DGKD: variants seen among roughly 807,000 people sequenced by gnomAD.
The protein encoded by DGKD is DAG kinase delta.
DGKD carries 68 observed loss-of-function variants against 154.4 expected under a neutral mutation model. That is an observed-to-expected ratio of 0.44 (90% CI 0.36 to 0.54). The LOEUF (loss-of-function observed/expected upper bound fraction) is 0.54, where lower values mean the gene tolerates loss of function less well. Ranked by LOEUF, DGKD falls within the 20% of genes least tolerant of loss-of-function variation. DGKD has a pLI of 0.00. For synonymous variants in DGKD, 693 were observed against 638.0 expected (o/e 1.09, Z -1.30); for missense variants, 1,343 against 1,593.6 (o/e 0.84, Z 2.68).
intron 3 of DGKD, among the ~76,000 whole-genome samples, chr2:233,408,362 C>T (rs1033509592): frequency 6.6e-6 from 1 of 152,238 alleles, no homozygotes; most frequent in Non-Finnish European, 1.5e-5. Context: ...TGGCAAATGT[C>T]TCTGCATAAA....
intron 26 of DGKD, 68 bp downstream of exon 26, chr2:233,462,803 T>C: frequency 7.2e-7 from 1 of 1,382,064 alleles, no homozygotes; most frequent in Non-Finnish European, 1.0e-6. Context: ...GCCAGGTTGC[T>C]GGGCACACAG....
chr2:233,449,263 T>C lies in DGKD; in HGVS notation c.1775T>C (p.Val592Ala). ...SICGSTGDRL[V>A]ASACPARPQI... is the part of the protein sequence containing the mutation. ...TGCGGTTCCACCGGAGACCGCTTGG[T>C]GGCATCAGCTTGCCCGGCCCGGCCG... Residue 592 changes from valine to alanine, a missense_variant, in exon 15 of 30, where the codon GTG (valine) becomes GCG (alanine). Val to Ala is a moderately conservative substitution (Grantham distance 64). Coordinates refer to ENST00000264057, the MANE Select transcript of DGKD (RefSeq NM_152879.3). The surrounding 1 kb of genome is among the most constrained non-coding windows in gnomAD (Gnocchi z 5.3). 2 of 1,613,554 alleles carry C rather than the reference T, an allele frequency of 1.2e-6. No individual in the cohort carries two copies. The highest frequency in any genetic ancestry group is 2.2e-5 in the South Asian group (2 of 91,076).
chr2:233,408,471 C>G (rs1209629715), intron 3 of DGKD, among the ~76,000 whole-genome samples: 1 of 152,226 alleles, frequency 6.6e-6, no homozygotes, highest in Admixed American at 6.5e-5. Context: ...AGTGTCTTTG[C>G]TCTTCCTGTT....
chr2:233,464,865 C>T (rs947587853), intron 27 of DGKD, among the ~76,000 whole-genome samples: 7 of 152,230 alleles, frequency 4.6e-5, no homozygotes, highest in African/African-American at 1.4e-4. Context: ...TGTCTCTTGG[C>T]TTCCCTGCTT....
In DGKD at chr2:233,449,174, T is replaced by C. The variant is rs140111001; in HGVS notation, c.1686T>C (p.Ser562=). The stretch of plus-strand genomic sequence containing the variant: ...ACGATGAGTCCCAGGCCTCGTCCTC[T>C]CTGCCCAACCCGCCCCCCACCATTG... ...TLDDESQASS[S]LPNPPPTIAE... is the part of the protein sequence containing the mutation. The change falls in exon 15 of 30, where the codon TCT becomes TCC. Residue 562 remains serine, a synonymous_variant. Coordinates refer to ENST00000264057, the MANE Select transcript of DGKD (RefSeq NM_152879.3). This position sits in a 1 kb window ranked among gnomAD's most constrained non-coding sequence, Gnocchi z 5.3. The C allele has an allele frequency of 7.4e-6, 12 of 1,613,442 alleles. No individual in the cohort carries two copies. Among genetic ancestry groups the C allele is most frequent in the Non-Finnish European group, 1.0e-5 (12 of 1,179,762 alleles).
intron 3 of DGKD, among the ~76,000 whole-genome samples, chr2:233,401,365 G>T (rs888114733): frequency 2.6e-5 from 4 of 152,288 alleles, no homozygotes; most frequent in East Asian, 1.9e-4. Flanking sequence ...CATTTGGTAT[G>T]TGGAAAATTT....
chr2:233,459,294 G>T lies in DGKD; in HGVS notation c.2695-463G>T, dbSNP rs552048652. 1.3e-5 allele frequency among the ~76,000 whole-genome samples: 2 copies of T among 152,298 alleles called. No individual in the cohort carries two copies. Among genetic ancestry groups the T allele is most frequent in the South Asian group, 4.1e-4 (2 of 4,826 alleles). On this transcript the variant is annotated intron_variant, in intron 22 of 29. Coordinates refer to ENST00000264057, the MANE Select transcript of DGKD (RefSeq NM_152879.3). This position sits in a 1 kb window ranked among gnomAD's most constrained non-coding sequence, Gnocchi z 5.7. The stretch of plus-strand genomic sequence containing the variant: ...TCTTCCAGCACTCTGTCTACCCTTA[G>T]CTGTAGGCTGCTTGAAGTTCACAAT...
chr2:233,439,122 T>A (rs2062808136), intron 9 of DGKD, among the ~76,000 whole-genome samples: 3 of 152,270 alleles, frequency 2.0e-5, no homozygotes, highest in African/African-American at 7.2e-5. Flanking sequence ...GCCATTTGAA[T>A]GAATTTCTTC....
Position 233,438,396 on chromosome 2 carries a change from A to C in DGKD, c.1085+17A>C. The C allele has an allele frequency of 6.3e-7, 1 of 1,597,400 alleles. No individual in the cohort carries two copies. Among genetic ancestry groups the C allele is most frequent in the Non-Finnish European group, 8.5e-7 (1 of 1,170,612 alleles). ...ACACCTCGGGTAGGAAGCTTGTAAA[A>C]TATATCTTTCTTGGAGTTTTAAAAA... On this transcript the variant is annotated intron_variant, in intron 9 of 29. Transcript: ENST00000264057. This position sits in a 1 kb window ranked among gnomAD's most constrained non-coding sequence, Gnocchi z 4.1.
At position 233,438,778 on chromosome 2, in the gene DGKD, CTATCT is replaced by C. The variant is rs1559549810; in HGVS notation, c.1085+400_1085+404del. ...ATCATCTATCTATCTATCTATCTATCTATCTATCTATCTATCTATCTATCTATCTA... is the reference window on the plus strand; with the variant it reads ...ATCATCTATCTATCTATCTATCTATCATCTATCTATCTATCTATCTATCTA... On this transcript the variant is annotated intron_variant, in intron 9 of 29. Transcript: ENST00000264057. The surrounding 1 kb of genome is among the most constrained non-coding windows in gnomAD (Gnocchi z 4.1). 4.9e-4 allele frequency among the ~76,000 whole-genome samples: 75 copies of C among 151,576 alleles called. 1 individual carries two copies. Among genetic ancestry groups the C allele is most frequent in the South Asian group, 1.5e-3 (7 of 4,772 alleles).
rs933893172 is a variant in DGKD, at chr2:233,389,762, G to A, written c.268-641G>A. Among the ~76,000 whole-genome samples, 5 of 152,144 alleles carry A rather than the reference G, an allele frequency of 3.3e-5. No homozygotes were observed. The East Asian group carries it at 7.7e-4, about 23-fold the overall frequency. On this transcript the variant is annotated intron_variant, in intron 2 of 29. Coordinates refer to ENST00000264057, the MANE Select transcript of DGKD (RefSeq NM_152879.3). ...GGAAACAGGAGGCAGGGGCTGTGCC[G>A]GGGGACCCTGTAGGGAGTGGAGAGG...
chr2:233,361,737 C>T (rs931927162), intron 1 of DGKD, among the ~76,000 whole-genome samples: 2 of 152,170 alleles, frequency 1.3e-5, no homozygotes, highest in Admixed American at 6.5e-5. Flanking sequence ...TTGGAGGTCA[C>T]GAGTTTGAGA....
intron 12 of DGKD, chr2:233,447,751 T>C (rs1262167734): frequency 1.9e-5 from 21 of 1,113,672 alleles, no homozygotes; most frequent in Non-Finnish European, 2.3e-5. Context: ...GACCCAAACC[T>C]GGAGCCGACC....
chr2:233,406,962 A>G (rs189170893), intron 3 of DGKD, among the ~76,000 whole-genome samples: 1 of 152,298 alleles, frequency 6.6e-6, no homozygotes. Flanking sequence ...ATATTTTTGA[A>G]TAGTTTATGG....
chr2:233,457,957 G>T lies in DGKD; in HGVS notation c.2581-327G>T, dbSNP rs1032239501. On this transcript the variant is annotated intron_variant, in intron 21 of 29. Coordinates refer to ENST00000264057, the MANE Select transcript of DGKD (RefSeq NM_152879.3). This position sits in a 1 kb window ranked among gnomAD's most constrained non-coding sequence, Gnocchi z 5.5. ...TCAGCGCTTCCTGCACACGTGGTGT[G>T]TGCTGGCCCCAGTCCTGGCACTCTG... is the stretch of plus-strand genomic sequence containing the variant. 7.9e-6 allele frequency: 3 copies of T among 378,728 alleles called. No individual in the cohort carries two copies. Among genetic ancestry groups the T allele is most frequent in the African/African-American group, 2.0e-5 (1 of 49,178 alleles). The allele number at this position is 378,728 out of a possible 1,614,324, so 23.5% of individuals were successfully genotyped here.
At chr2:233,414,046 T>C (rs1485149006) in intron 3 of DGKD, among the ~76,000 whole-genome samples, 1 of 152,168 alleles carries the variant, frequency 6.6e-6, no homozygotes, top group African/African-American at 2.4e-5. Flanking sequence ...GGGAGGACAA[T>C]TCCAGGAGGC....
At chr2:233,355,658 A>G (rs1217425692) in intron 1 of DGKD, among the ~76,000 whole-genome samples, 1 of 152,234 alleles carries the variant, frequency 6.6e-6, no homozygotes, top group East Asian at 1.9e-4. Context: ...TGTTACAAAC[A>G]GGTTTGTTGT....
chr2:233,452,191 A>C lies in DGKD; in HGVS notation c.2264+131A>C, dbSNP rs2124884602. The C allele has an allele frequency of 2.4e-6, 2 of 849,562 alleles. No individual in the cohort carries two copies. The highest frequency in any genetic ancestry group is 1.6e-5 in the South Asian group (1 of 63,762). 52.6% of individuals were successfully genotyped at this position (849,562 alleles called of 1,614,324 possible). ...TGGTGGTAGCTGATAAGGAAGGCTG[A>C]GAAGTCGTGGAGATTCCACTTAAGG... On this transcript the variant is annotated intron_variant, in intron 18 of 29. Transcript: ENST00000264057. The surrounding 1 kb of genome is among the most constrained non-coding windows in gnomAD (Gnocchi z 4.0).
intron 16 of DGKD, 23 bp from the exon 17 acceptor site, chr2:233,450,899 G>C (rs774734565): frequency 1.9e-6 from 3 of 1,589,024 alleles, no homozygotes; most frequent in Non-Finnish European, 2.6e-6. Context: ...ACAGCTGTAA[G>C]GTTTTCTGCT....
Sources: allele counts gnomAD v4.1 joint callset (sites outside exome capture counted in the v4.1 genomes callset), GRCh38; gene constraint gnomAD v4.1.1; non-coding constraint Gnocchi (gnomAD v3.1); transcripts MANE v1.5; gene names NCBI Gene and HGNC (gene_info 2026-07-23, HGNC 2026-07-21).